Variants in PWWP2A observed in about 807,000 individuals in gnomAD.
The protein encoded by PWWP2A is PWWP domain containing 2A.
PWWP2A carries 18 observed loss-of-function variants against 48.5 expected under a neutral mutation model. That is an observed-to-expected ratio of 0.37 (90% CI 0.26 to 0.55). The LOEUF is 0.55. PWWP2A is among the 20% of genes least tolerant of loss of function. The pLI, the probability that PWWP2A is intolerant of heterozygous loss-of-function variation, is 0.81. For synonymous variants in PWWP2A, 396 were observed against 387.7 expected (o/e 1.02, Z -0.25); for missense variants, 867 against 976.4 (o/e 0.89, Z 1.49).
chr5:160,065,588 G>A, intron 4 of PWWP2A: 1 of 338,516 alleles, frequency 3.0e-6, no homozygotes, highest in Non-Finnish European at 5.8e-6. Flanking sequence ...GACAACTAAG[G>A]CAGAAGCCTT....
At chr5:160,073,992 G>T (rs565084063), downstream of PWWP2A, among the ~76,000 whole-genome samples, 19 of 151,942 alleles carry the variant, frequency 1.3e-4, no homozygotes, top group East Asian at 3.3e-3. Flanking sequence ...TTGAACCCAG[G>T]GGGCAGAGGT....
chr5:160,061,193 G>T (rs1307379463), downstream of PWWP2A, among the ~76,000 whole-genome samples: 6 of 152,210 alleles, frequency 3.9e-5, no homozygotes. Flanking sequence ...CGCTGTTTGG[G>T]CTTGCACGGA....
chr5:160,090,633 C>T (rs1754986743), downstream of PWWP2A: 1 of 984,324 alleles, frequency 1.0e-6, no homozygotes, highest in Non-Finnish European at 1.2e-6. Flanking sequence ...AATTCGCAAT[C>T]AGTCAATAAC....
chr5:160,106,060 A>G (rs1233596415), intron 1 of PWWP2A, among the ~76,000 whole-genome samples: 3 of 152,226 alleles, frequency 2.0e-5, no homozygotes, highest in Non-Finnish European at 4.4e-5. Context: ...ATTGAACTGA[A>G]GAGCAATTTA....
the PWWP2A span, among the ~76,000 whole-genome samples, chr5:160,048,831 A>G: frequency 1.3e-5 from 2 of 152,160 alleles, no homozygotes; most frequent in Admixed American, 1.3e-4. Flanking sequence ...CATGCCTGTA[A>G]TCCCAGCTAC....
intron 1 of PWWP2A, among the ~76,000 whole-genome samples, chr5:160,114,294 G>A (rs1426750909): frequency 6.6e-6 from 1 of 151,766 alleles, no homozygotes; most frequent in African/African-American, 2.4e-5. Flanking sequence ...CACTTTGGGA[G>A]GCCGAAGCAG....
At chr5:160,047,594 G>A in the PWWP2A span, among the ~76,000 whole-genome samples, 1 of 152,150 alleles carries the variant, frequency 6.6e-6, no homozygotes, top group Non-Finnish European at 1.5e-5. Context: ...GTAAATCAGA[G>A]TATGTCTGAA....
chr5:160,099,603 G>T (rs527634243), intron 1 of PWWP2A, among the ~76,000 whole-genome samples: 31 of 151,694 alleles, frequency 2.0e-4, no homozygotes, highest in Non-Finnish European at 3.2e-4. Context: ...TTAGAGGTGT[G>T]AGCCACCACA....
Position 160,077,115 on chromosome 5 carries a change from T to G in PWWP2A, c.*1040A>C, listed in dbSNP as rs890317593. 1 of 152,198 alleles carries G rather than the reference T, an allele frequency of 6.6e-6. No homozygotes were observed. The highest frequency in any genetic ancestry group is 1.5e-5 in the Non-Finnish European group (1 of 68,036). The allele number at this position is 152,198 out of a possible 1,614,324, so 9.4% of individuals were successfully genotyped here. A position where few individuals can be genotyped will look rare whatever the true frequency, so the allele number is the denominator to read the frequency against. ...AACTACAGTCTCTATTAGTAAGAAT[T>G]CATGCTCCATGCATGAGAAGTTTGA... On this transcript the variant is annotated 3_prime_UTR_variant, in exon 4 of 4. Coordinates refer to the PWWP2A transcript ENST00000456329. The surrounding 1 kb of genome is among the most constrained non-coding windows in gnomAD (Gnocchi z 4.2).
downstream of PWWP2A, among the ~76,000 whole-genome samples, chr5:160,057,771 CGT>C (rs140239164): frequency 1.3e-5 from 2 of 150,454 alleles, no homozygotes; most frequent in East Asian, 2.0e-4. This position sits in a 1 kb window ranked among gnomAD's most constrained non-coding sequence, Gnocchi z 4.4. Flanking sequence ...GGGGTTTGTG[CGT>C]GTGTGTGTGT....
chr5:160,051,973 CATTTA>C, the PWWP2A span, among the ~76,000 whole-genome samples: 1 of 152,230 alleles, frequency 6.6e-6, no homozygotes, highest in East Asian at 1.9e-4. Flanking sequence ...GCCTGTCTGG[CATTTA>C]TGGCCTTCAG....
downstream of PWWP2A, chr5:160,090,053 C>A (rs1022299321): frequency 1.0e-6 from 1 of 985,242 alleles, no homozygotes; most frequent in African/African-American, 1.7e-5. Context: ...ATGAAATATG[C>A]CAGACTGCCA....
chr5:160,055,484 T>A, the PWWP2A span, among the ~76,000 whole-genome samples: 1 of 152,176 alleles, frequency 6.6e-6, no homozygotes, highest in African/African-American at 2.4e-5. Context: ...TAATCACCAG[T>A]TGCAAAGCAA....
In PWWP2A at chr5:160,078,447, GT is replaced by G. The variant is rs901495666; in HGVS notation, c.1670-280del. 1.3e-5 allele frequency among the ~76,000 whole-genome samples: 2 copies of G among 152,092 alleles called. No individual in the cohort carries two copies. The highest frequency in any genetic ancestry group is 4.8e-5 in the African/African-American group (2 of 41,412). On this transcript the variant is annotated intron_variant, in intron 3 of 3. Transcript: ENST00000456329. The surrounding 1 kb of genome is among the most constrained non-coding windows in gnomAD (Gnocchi z 4.2). Reference sequence around the variant, plus strand: ...TTACATAATCAATGTGCACTTGAGTGTTTTTTTAAAATACTTGCTTATAAAT... The same window carrying G: ...TTACATAATCAATGTGCACTTGAGTGTTTTTTAAAATACTTGCTTATAAAT...
At chr5:160,106,935 T>A (rs568685691) in intron 1 of PWWP2A, among the ~76,000 whole-genome samples, 1 of 150,828 alleles carries the variant, frequency 6.6e-6, no homozygotes, top group South Asian at 2.1e-4. Flanking sequence ...GTGATTCTCA[T>A]GTCTCAGCCT....
intron 2 of PWWP2A, among the ~76,000 whole-genome samples, chr5:160,081,602 A>G (rs1313898930): frequency 1.3e-5 from 2 of 152,202 alleles, no homozygotes; most frequent in African/African-American, 4.8e-5. Flanking sequence ...CTTTAATCCC[A>G]ATAACCACAC....
intron 1 of PWWP2A, among the ~76,000 whole-genome samples, chr5:160,103,628 T>C (rs537336079): frequency 8.6e-5 from 13 of 152,032 alleles, no homozygotes; most frequent in South Asian, 2.1e-4. Context: ...GCAGATTAAG[T>C]GAAGAGCAAA....
intron 1 of PWWP2A, among the ~76,000 whole-genome samples, chr5:160,112,267 C>T (rs1447848563): frequency 2.0e-5 from 3 of 152,078 alleles, no homozygotes; most frequent in African/African-American, 7.2e-5. Flanking sequence ...GTCATCCGGG[C>T]TAGAGTGCAG....
intron 2 of PWWP2A, among the ~76,000 whole-genome samples, chr5:160,083,542 T>C (rs561362938): frequency 1.3e-5 from 2 of 152,346 alleles, no homozygotes; most frequent in East Asian, 3.9e-4. Context: ...ACAGCATCTA[T>C]GCAAATCAGC....
Sources: allele counts gnomAD v4.1 joint callset (sites outside exome capture counted in the v4.1 genomes callset), GRCh38; gene constraint gnomAD v4.1.1; non-coding constraint Gnocchi (gnomAD v3.1); transcripts MANE v1.5; gene names NCBI Gene and HGNC (gene_info 2026-07-23, HGNC 2026-07-21).